The following PI4K2B variants were observed in gnomAD, a reference collection of about 807,000 sequenced individuals.
The protein encoded by PI4K2B is phosphatidylinositol 4-kinase type 2 beta, also known as phosphatidylinositol 4-kinase type 2-beta.
A neutral mutation model predicts 56.6 loss-of-function variants in PI4K2B; 46 were observed. The ratio of observed to expected loss-of-function variants is 0.81; its 90% CI spans 0.64 to 1.04. PI4K2B has a LOEUF of 1.04. Ranked by LOEUF, PI4K2B falls within the 50% of genes least tolerant of loss-of-function variation. PI4K2B has a pLI of 0.00. For missense variants in PI4K2B, 556 were observed against 607.7 expected, an observed-to-expected ratio of 0.91 and a Z score of 0.89; for synonymous variants, 211 against 223.8, an observed-to-expected ratio of 0.94 and a Z score of 0.51.
intron 4 of PI4K2B, 120 bp downstream of exon 4, chr4:25,256,794 G>A: frequency 6.6e-6 from 6 of 910,922 alleles, no homozygotes; most frequent in Non-Finnish European, 1.0e-5. Context: ...CATCTTCCAG[G>A]AGCTTATAGT....
At chr4:25,248,226 T>C (rs1321674407) in intron 1 of PI4K2B, among the ~76,000 whole-genome samples, 6 of 152,238 alleles carry the variant, frequency 3.9e-5, no homozygotes, top group Admixed American at 1.3e-4. Context: ...AGTTCTCTTA[T>C]TTTTAGTTCT....
At chr4:25,237,803 A>C (rs1283266159) in intron 1 of PI4K2B, among the ~76,000 whole-genome samples, 4 of 152,184 alleles carry the variant, frequency 2.6e-5, no homozygotes, top group Non-Finnish European at 5.9e-5. Flanking sequence ...GCTTGAGTCC[A>C]TGAGTTTCAG....
chr4:25,239,729 G>A (rs558011525), intron 1 of PI4K2B, among the ~76,000 whole-genome samples: 7 of 152,342 alleles, frequency 4.6e-5, no homozygotes, highest in East Asian at 3.9e-4. Flanking sequence ...CAGAGTGGGC[G>A]CCGAGGCCGA....
intron 9 of PI4K2B, among the ~76,000 whole-genome samples, chr4:25,273,413 A>T (rs1210582255): frequency 2.0e-5 from 3 of 152,230 alleles, no homozygotes; most frequent in African/African-American, 7.2e-5. Context: ...TCATTTACAG[A>T]TTCAATAATA....
rs1717048425 is a variant in PI4K2B at position 25,275,089 on chromosome 4, C to CCTGT, written c.1273-1924_1273-1923insTGTC. Among the ~76,000 whole-genome samples, 3 of 152,296 alleles carry CCTGT rather than the reference C, an allele frequency of 2.0e-5. No homozygotes were observed. In the South Asian group the frequency reaches 6.2e-4, roughly 32 times the overall value. The stretch of plus-strand genomic sequence containing the variant: ...AAAGTGCTGGGATTACAGGCATGAG[C>CCTGT]CACCACACCTGGTCAACGTTTCTGT... On this transcript the variant is annotated intron_variant, in intron 9 of 9. Transcript: ENST00000264864.
At chr4:25,241,473 A>T (rs960252851) in intron 1 of PI4K2B, among the ~76,000 whole-genome samples, 1 of 152,236 alleles carries the variant, frequency 6.6e-6, no homozygotes, top group Admixed American at 6.5e-5. Flanking sequence ...TTGGTTCCCC[A>T]TCCTCTGGGA....
intron 1 of PI4K2B, among the ~76,000 whole-genome samples, chr4:25,238,822 T>C (rs997128442): frequency 2.6e-5 from 4 of 152,108 alleles, no homozygotes; most frequent in African/African-American, 4.8e-5. Context: ...GCTTCCACAG[T>C]GTGGAAGGGG....
chr4:25,234,599 C>T (rs1228709392), intron 1 of PI4K2B, among the ~76,000 whole-genome samples, 168 bp downstream of exon 1: 1 of 152,238 alleles, frequency 6.6e-6, no homozygotes, highest in Non-Finnish European at 1.5e-5. Flanking sequence ...GCACCGCGGG[C>T]ACCTAGCTTG....
At chr4:25,276,594 A>G (rs1485381636) in intron 9 of PI4K2B, 1 of 934,432 alleles carries the variant, frequency 1.1e-6, no homozygotes, top group East Asian at 1.2e-4. Flanking sequence ...GTAGGCATAC[A>G]ATAAATTTGT....
chr4:25,236,282 G>C (rs1006232508), intron 1 of PI4K2B, among the ~76,000 whole-genome samples: 1 of 151,092 alleles, frequency 6.6e-6, no homozygotes, highest in Non-Finnish European at 1.5e-5. Context: ...GGGTGCCATG[G>C]CTCATGCCTG....
chr4:25,254,365 T>C, intron 2 of PI4K2B: 1 of 884,410 alleles, frequency 1.1e-6, no homozygotes, highest in Non-Finnish European at 1.4e-6. Flanking sequence ...AATAACACTG[T>C]TTGACCTAGA....
At chr4:25,239,297 C>A (rs946304803) in intron 1 of PI4K2B, among the ~76,000 whole-genome samples, 1 of 152,094 alleles carries the variant, frequency 6.6e-6, no homozygotes, top group Non-Finnish European at 1.5e-5. Flanking sequence ...CAGGGGGTGG[C>A]GCTTGTTGGG....
chr4:25,239,237 G>A (rs936560494), intron 1 of PI4K2B, among the ~76,000 whole-genome samples: 20 of 152,288 alleles, frequency 1.3e-4, no homozygotes, highest in South Asian at 4.1e-4. Flanking sequence ...CGTGCCTTGC[G>A]CCCACACTCC....
At chr4:25,260,708 TTATA>T in intron 6 of PI4K2B, 117 bp downstream of exon 6, 2 of 256,160 alleles carry the variant, frequency 7.8e-6, no homozygotes, top group East Asian at 9.5e-5. Context: ...CTTGTGAATA[TTATA>T]TATATATATA....
rs770114666 is a variant in PI4K2B, at chr4:25,255,222, T to A, written c.581T>A (p.Leu194His). 1 of 1,614,194 alleles carries A rather than the reference T, an allele frequency of 6.2e-7. No homozygotes were observed. Among genetic ancestry groups the A allele is most frequent in the Non-Finnish European group, 8.5e-7 (1 of 1,180,022 alleles). The stretch of plus-strand genomic sequence containing the variant: ...TACCTTTCCGAAGCGGGTGCCTATC[T>A]TGTGGACAACAAGCTTCATCTGAGC... ...QGYLSEAGAY[L>H]VDNKLHLSIV... The change falls in exon 3 of 10, where the codon CTT (leucine) becomes CAT (histidine). Residue 194 changes from leucine (L) to histidine (H), a missense_variant. Coordinates refer to ENST00000264864, the MANE Select transcript of PI4K2B (RefSeq NM_018323.4).
chr4:25,267,274 C>G (rs773395531), intron 7 of PI4K2B, among the ~76,000 whole-genome samples: 3 of 152,178 alleles, frequency 2.0e-5, no homozygotes, highest in Non-Finnish European at 4.4e-5. Context: ...GGCCTTTCTT[C>G]TATGAAATTA....
At chr4:25,242,317 C>T (rs1560366839) in intron 1 of PI4K2B, among the ~76,000 whole-genome samples, 1 of 152,210 alleles carries the variant, frequency 6.6e-6, no homozygotes, top group Non-Finnish European at 1.5e-5. Context: ...TGAGAAGTGG[C>T]CTAGACCTTG....
At chr4:25,242,006 T>C (rs1454351012) in intron 1 of PI4K2B, among the ~76,000 whole-genome samples, 2 of 152,142 alleles carry the variant, frequency 1.3e-5, no homozygotes, top group African/African-American at 4.8e-5. Flanking sequence ...TATCCAGGGA[T>C]GCATAGTCAG....
At chr4:25,269,304 C>A in intron 9 of PI4K2B, 101 bp downstream of exon 9, 1 of 701,898 alleles carries the variant, frequency 1.4e-6, no homozygotes. Context: ...TTTAATACTA[C>A]CTCTTATGCT....
Sources: gnomAD v4.1 joint callset for allele counts (sites outside exome capture counted in the v4.1 genomes callset) on GRCh38, gnomAD v4.1.1 for gene constraint, MANE v1.5 for transcripts, NCBI Gene and HGNC (gene_info 2026-07-23, HGNC 2026-07-21) for gene names.